The following DLGAP1 variants were observed in gnomAD, a reference collection of about 807,000 sequenced individuals.
DLGAP1 encodes the protein DLG associated protein 1, also known as disks large-associated protein 1.
DLGAP1 carries 11 observed loss-of-function variants against 90.8 expected under a neutral mutation model. The ratio of observed to expected loss-of-function variants is 0.12; its 90% CI spans 0.08 to 0.20. DLGAP1 has a LOEUF of 0.20. DLGAP1 is among the 10% of genes least tolerant of loss of function. DLGAP1 has a pLI of 1.00. For synonymous variants in DLGAP1, 558 were observed against 540.7 expected (o/e 1.03, Z -0.44); for missense variants, 1,050 against 1,333.8 (o/e 0.79, Z 3.31).
chr18:3,839,249 T>A (rs1348414549), intron 4 of DLGAP1, among the ~76,000 whole-genome samples: 2 of 152,204 alleles, frequency 1.3e-5, no homozygotes, highest in Non-Finnish European at 2.9e-5. Flanking sequence ...ATGCTTCCTG[T>A]GTGCCAAGCA....
chr18:4,020,598 A>G (rs1203018205), intron 2 of DLGAP1, among the ~76,000 whole-genome samples: 1 of 152,230 alleles, frequency 6.6e-6, no homozygotes, highest in Admixed American at 6.5e-5. Context: ...ACAGTGAAAG[A>G]GACCTGACCT....
At position 3,720,502 on chromosome 18, in the gene DLGAP1, C is replaced by A. The variant is rs12957209; in HGVS notation, c.1591+8633G>T. Among the ~76,000 whole-genome samples, 3 of 152,174 alleles carry A rather than the reference C, an allele frequency of 2.0e-5. No individual in the cohort carries two copies. In the South Asian group the frequency reaches 6.2e-4, roughly 32 times the overall value. On this transcript the variant is annotated intron_variant, in intron 7 of 12. Coordinates refer to ENST00000315677, the MANE Select transcript of DLGAP1 (RefSeq NM_004746.4). The stretch of plus-strand genomic sequence containing the variant: ...GACACTTGGCAGCAGGAAAGTTTTG[C>A]CCTGAAAACTTGACAGAAAGTCAGT...
At chr18:3,942,136 AC>A (rs2072782344) in intron 3 of DLGAP1, among the ~76,000 whole-genome samples, 1 of 152,208 alleles carries the variant, frequency 6.6e-6, no homozygotes, top group Non-Finnish European at 1.5e-5. Context: ...CAACTTTGTG[AC>A]CTGAAGTGAG....
At chr18:4,316,971 C>T (rs1194245645) in intron 1 of DLGAP1, among the ~76,000 whole-genome samples, 7 of 152,046 alleles carry the variant, frequency 4.6e-5, no homozygotes, top group Admixed American at 3.9e-4. Context: ...CCCTCCTCTG[C>T]TTCTGTCCTC....
intron 5 of DLGAP1, among the ~76,000 whole-genome samples, chr18:3,744,859 T>G (rs2147736066): frequency 6.6e-6 from 1 of 152,288 alleles, no homozygotes; most frequent in Non-Finnish European, 1.5e-5. Context: ...CCATAGAAAT[T>G]TTATTCAAAT....
chr18:4,039,635 C>T (rs1018427250), intron 2 of DLGAP1, among the ~76,000 whole-genome samples: 2 of 152,122 alleles, frequency 1.3e-5, no homozygotes, highest in African/African-American at 4.8e-5. Context: ...TGTTTCATTA[C>T]TGTATTTGTA....
intron 1 of DLGAP1, among the ~76,000 whole-genome samples, chr18:4,220,411 G>A (rs749569381): frequency 6.6e-6 from 1 of 152,082 alleles, no homozygotes; most frequent in Admixed American, 6.6e-5. Context: ...CTGTGCATGA[G>A]TGCAACTCAA....
At chr18:3,864,148 T>C (rs2070247918) in intron 4 of DLGAP1, among the ~76,000 whole-genome samples, 1 of 152,190 alleles carries the variant, frequency 6.6e-6, no homozygotes, top group South Asian at 2.1e-4. Context: ...ATGACAGTAT[T>C]ATAAAATCAT....
chr18:4,034,417 A>G (rs1242711200), intron 2 of DLGAP1, among the ~76,000 whole-genome samples: 1 of 152,178 alleles, frequency 6.6e-6, no homozygotes, highest in Admixed American at 6.5e-5. Flanking sequence ...ATCACATTAA[A>G]AACATAAAAA....
At chr18:4,144,069 A>G (rs1478220245) in intron 2 of DLGAP1, among the ~76,000 whole-genome samples, 1 of 152,052 alleles carries the variant, frequency 6.6e-6, no homozygotes, top group African/African-American at 2.4e-5. Context: ...GTTGCCTGGT[A>G]CTGGGGGAGG....
intron 3 of DLGAP1, among the ~76,000 whole-genome samples, chr18:3,956,547 G>A (rs559113876): frequency 6.6e-5 from 10 of 151,946 alleles, no homozygotes; most frequent in Admixed American, 3.9e-4. Flanking sequence ...ATGGGTTTTC[G>A]CCGTGTTAGC....
At chr18:4,016,269 C>T (rs529317453) in intron 2 of DLGAP1, among the ~76,000 whole-genome samples, 1 of 152,226 alleles carries the variant, frequency 6.6e-6, no homozygotes, top group Non-Finnish European at 1.5e-5. Flanking sequence ...AAATAAATTA[C>T]TAGTTCAAAT....
At chr18:3,561,268 A>AAAAAAAAAAAC (rs2054083865) in intron 9 of DLGAP1, among the ~76,000 whole-genome samples, 1 of 78,208 alleles carries the variant, frequency 1.3e-5, no homozygotes, top group African/African-American at 1.4e-4. Context: ...AAAAAAAACA[A>AAAAAAAAAAAC]AAAAAAAAAA....
Position 4,413,779 on chromosome 18 carries a change from T to C in DLGAP1, c.-267+41227A>G, listed in dbSNP as rs574222102. Among the ~76,000 whole-genome samples, 9 of 152,368 alleles carry C rather than the reference T, an allele frequency of 5.9e-5. No individual in the cohort carries two copies. In the South Asian group the frequency reaches 1.5e-3, roughly 25 times the overall value. On this transcript the variant is annotated intron_variant, in intron 1 of 12. Coordinates refer to ENST00000315677, the MANE Select transcript of DLGAP1 (RefSeq NM_004746.4). Reference sequence around the variant, plus strand: ...GGTTTCTGGAGAAATGATAATGTTCTCTTTCTTATCTGGGGGTTACTGACA... The same window carrying C: ...GGTTTCTGGAGAAATGATAATGTTCCCTTTCTTATCTGGGGGTTACTGACA...
chr18:3,834,284 A>T (rs2068238756), intron 4 of DLGAP1, among the ~76,000 whole-genome samples: 1 of 136,464 alleles, frequency 7.3e-6, no homozygotes, highest in Admixed American at 7.7e-5. Context: ...CCAGCCTGGG[A>T]GATAGAGCAA....
intron 5 of DLGAP1, among the ~76,000 whole-genome samples, chr18:3,810,184 G>C (rs1202717632): frequency 3.3e-5 from 5 of 152,106 alleles, no homozygotes; most frequent in Admixed American, 3.3e-4. Context: ...AGCTACAGGA[G>C]GGGTTTTGCT....
chr18:4,072,305 T>G (rs2143483727), intron 2 of DLGAP1, among the ~76,000 whole-genome samples: 1 of 152,272 alleles, frequency 6.6e-6, no homozygotes, highest in East Asian at 1.9e-4. Flanking sequence ...AAACTTTTTT[T>G]TTTTTCATAG....
chr18:4,342,666 T>C lies in DLGAP1; in HGVS notation c.-267+112340A>G, dbSNP rs2081218167. Among the ~76,000 whole-genome samples the C allele has an allele frequency of 1.3e-5, 2 of 152,218 alleles. No homozygotes were observed. Among genetic ancestry groups the C allele is most frequent in the Non-Finnish European group, 2.9e-5 (2 of 68,024 alleles). ...ATGTATTTGTTTTGGTTTTGGTTAATACTACATTTGCCACAAATCTGCAGA... is the reference window on the plus strand; with the variant it reads ...ATGTATTTGTTTTGGTTTTGGTTAACACTACATTTGCCACAAATCTGCAGA... On this transcript the variant is annotated intron_variant, in intron 1 of 12. Coordinates refer to ENST00000315677, the MANE Select transcript of DLGAP1 (RefSeq NM_004746.4). The surrounding 1 kb of genome is among the most constrained non-coding windows in gnomAD (Gnocchi z 5.8).
chr18:3,985,517 C>T (rs1484948832), intron 3 of DLGAP1, among the ~76,000 whole-genome samples: 1 of 128,312 alleles, frequency 7.8e-6, no homozygotes, highest in Non-Finnish European at 1.6e-5. Context: ...GGGCCTTCGA[C>T]TTACTTTTTT....
Sources: allele counts gnomAD v4.1 joint callset (sites outside exome capture counted in the v4.1 genomes callset), GRCh38; gene constraint gnomAD v4.1.1; non-coding constraint Gnocchi (gnomAD v3.1); transcripts MANE v1.5; gene names NCBI Gene and HGNC (gene_info 2026-07-23, HGNC 2026-07-21).